FBXL17: variants seen among roughly 807,000 people sequenced by gnomAD.
The protein encoded by FBXL17 is F-box and leucine rich repeat protein 17, also known as F-box/LRR-repeat protein 17.
FBXL17 carries 22 observed loss-of-function variants against 66.2 expected under a neutral mutation model. The ratio of observed to expected loss-of-function variants is 0.33; its 90% confidence interval spans 0.24 to 0.47. The LOEUF (loss-of-function observed/expected upper bound fraction) is 0.47, where lower values mean the gene tolerates loss of function less well. Ranked by LOEUF, FBXL17 falls within the 20% of genes least tolerant of loss-of-function variation. The pLI, the probability that FBXL17 is intolerant of heterozygous loss-of-function variation, is 1.00. For missense variants in FBXL17, 878 were observed against 948.2 expected, an observed-to-expected ratio of 0.93 and a Z score of 0.97; for synonymous variants, 474 against 400.5, an observed-to-expected ratio of 1.18 and a Z score of -2.19.
At chr5:108,027,857 T>G (rs1372804444) in intron 6 of FBXL17, among the ~76,000 whole-genome samples, 1 of 152,114 alleles carries the variant, frequency 6.6e-6, no homozygotes, top group African/African-American at 2.4e-5. Context: ...TAGAAACACA[T>G]GTAGTTAGTT....
At chr5:108,119,592 T>C (rs1193879136) in intron 6 of FBXL17, among the ~76,000 whole-genome samples, 1 of 152,186 alleles carries the variant, frequency 6.6e-6, no homozygotes, top group African/African-American at 2.4e-5. Flanking sequence ...TAAGCACCAA[T>C]GAAATTGCAG....
chr5:108,296,229 G>C (rs923449283), intron 4 of FBXL17, among the ~76,000 whole-genome samples: 2 of 151,796 alleles, frequency 1.3e-5, no homozygotes, highest in Non-Finnish European at 2.9e-5. Flanking sequence ...TAGAACACTA[G>C]GAAGAAGTGA....
chr5:108,240,406 C>A (rs1755804370), intron 4 of FBXL17, among the ~76,000 whole-genome samples: 1 of 152,108 alleles, frequency 6.6e-6, no homozygotes, highest in African/African-American at 2.4e-5. Context: ...GAATGAATAT[C>A]ATTGGTAGCC....
At chr5:108,217,172 A>T (rs1192265443) in intron 5 of FBXL17, among the ~76,000 whole-genome samples, 1 of 151,700 alleles carries the variant, frequency 6.6e-6, no homozygotes, top group Non-Finnish European at 1.5e-5. Context: ...AAAACCCTGG[A>T]CCCCAGCCCC....
intron 7 of FBXL17, among the ~76,000 whole-genome samples, chr5:107,883,881 T>C (rs919183953): frequency 2.0e-5 from 3 of 152,078 alleles, no homozygotes; most frequent in Admixed American, 2.0e-4. Flanking sequence ...TCTTGAAGGA[T>C]GAGTAATGGT....
At chr5:108,234,137 T>C (rs972853324) in intron 4 of FBXL17, among the ~76,000 whole-genome samples, 1 of 152,032 alleles carries the variant, frequency 6.6e-6, no homozygotes, top group African/African-American at 2.4e-5. Flanking sequence ...GGGTCACCAA[T>C]TTTGCTTGGA....
chr5:108,055,422 C>G (rs1431664158), intron 6 of FBXL17, among the ~76,000 whole-genome samples: 3 of 148,664 alleles, frequency 2.0e-5, no homozygotes, highest in Admixed American at 2.0e-4. Flanking sequence ...TCCTGGCTAA[C>G]ACAGTGAAAC....
chr5:108,368,915 T>TAAA (rs373667446), intron 1 of FBXL17, among the ~76,000 whole-genome samples: 17,232 of 142,782 alleles, frequency 0.12, 1,287 homozygotes, highest in Admixed American at 0.16. Context: ...TACAAGGATT[T>TAAA]AAAAAAAAAA....
At chr5:108,074,257 C>G (rs535029053) in intron 6 of FBXL17, among the ~76,000 whole-genome samples, 1 of 151,504 alleles carries the variant, frequency 6.6e-6, no homozygotes, top group Admixed American at 6.6e-5. Flanking sequence ...AACTTAAAAG[C>G]CAGGGTTATC....
intron 1 of FBXL17, 40 bp downstream of exon 1, chr5:108,380,659 G>A: frequency 1.0e-6 from 1 of 957,078 alleles, no homozygotes. Context: ...GCCGGGGGTG[G>A]GGGAAAGCGA....
intron 6 of FBXL17, among the ~76,000 whole-genome samples, chr5:108,180,180 G>A (rs1402154036): frequency 6.6e-6 from 1 of 152,124 alleles, no homozygotes; most frequent in Non-Finnish European, 1.5e-5. Context: ...CCAGAAGTTT[G>A]CAACTTCAAA....
intron 7 of FBXL17, among the ~76,000 whole-genome samples, chr5:107,950,674 T>G (rs1172217727): frequency 1.3e-5 from 2 of 152,190 alleles, no homozygotes; most frequent in Non-Finnish European, 2.9e-5. Flanking sequence ...TAGAACATGT[T>G]TTAGAGCTGG....
chr5:108,215,126 C>T (rs943689756), intron 5 of FBXL17, among the ~76,000 whole-genome samples: 6 of 152,272 alleles, frequency 3.9e-5, no homozygotes, highest in Non-Finnish European at 7.4e-5. Context: ...TAGGCATTTA[C>T]ATTGTTTCCA....
At chr5:107,963,118 T>C (rs1453040604) in intron 7 of FBXL17, among the ~76,000 whole-genome samples, 1 of 152,138 alleles carries the variant, frequency 6.6e-6, no homozygotes, top group African/African-American at 2.4e-5. Flanking sequence ...AAGATTCTGG[T>C]GTCCTGATCT....
chr5:108,180,536 A>T (rs1434124756), intron 6 of FBXL17, among the ~76,000 whole-genome samples: 1 of 152,136 alleles, frequency 6.6e-6, no homozygotes, highest in African/African-American at 2.4e-5. Flanking sequence ...AAATATCTAT[A>T]GGTACTATTT....
chr5:108,099,055 A>C (rs1749500894), intron 6 of FBXL17, among the ~76,000 whole-genome samples: 1 of 152,206 alleles, frequency 6.6e-6, no homozygotes, highest in Non-Finnish European at 1.5e-5. Flanking sequence ...AGTTACCAGC[A>C]ACTACTTTAT....
intron 6 of FBXL17, among the ~76,000 whole-genome samples, chr5:108,121,069 C>A (rs771101365): frequency 6.6e-6 from 1 of 152,162 alleles, no homozygotes; most frequent in Non-Finnish European, 1.5e-5. Context: ...GTGGCTCACG[C>A]CTGCAATCCC....
chr5:108,031,601 A>G (rs1746645037), intron 6 of FBXL17, among the ~76,000 whole-genome samples: 1 of 152,204 alleles, frequency 6.6e-6, no homozygotes, highest in Non-Finnish European at 1.5e-5. Flanking sequence ...AGTATTCTGC[A>G]TCCATTTAGA....
chr5:107,961,917 A>T (rs75139377), intron 7 of FBXL17, among the ~76,000 whole-genome samples: 1 of 152,150 alleles, frequency 6.6e-6, no homozygotes. Flanking sequence ...AAAGGTTAAC[A>T]TTTTTAAAAT....
Sources: gnomAD v4.1 joint callset for allele counts (sites outside exome capture counted in the v4.1 genomes callset) on GRCh38, gnomAD v4.1.1 for gene constraint, MANE v1.5 for transcripts, NCBI Gene and HGNC (gene_info 2026-07-23, HGNC 2026-07-21) for gene names.